VGLL4: variants seen among roughly 807,000 people sequenced by gnomAD.
The protein encoded by VGLL4 is vestigial like family member 4, also known as transcription cofactor vestigial-like protein 4.
VGLL4 carries 7 observed loss-of-function variants against 21.0 expected under a neutral mutation model. That is an observed-to-expected ratio of 0.33 (90% confidence interval 0.19 to 0.63). The LOEUF is 0.63. VGLL4 is among the 20% of genes least tolerant of loss of function. VGLL4 has a pLI of 0.78. For missense variants in VGLL4, 394 were observed against 425.7 expected, an observed-to-expected ratio of 0.93 and a Z score of 0.66; for synonymous variants, 222 against 173.2, an observed-to-expected ratio of 1.28 and a Z score of -2.21.
rs777894880 is a variant in VGLL4 at position 11,643,480 on chromosome 3, G to C, written c.39C>G (p.Tyr13Ter). 1.2e-6 allele frequency: 2 copies of C among 1,613,998 alleles called. No homozygotes were observed. The highest frequency in any genetic ancestry group is 1.1e-5 in the South Asian group (1 of 91,070). The change falls in exon 1 of 5, where the codon TAC becomes TAG. Residue 13 changes from tyrosine (Y) to a stop codon, truncating the protein, a stop_gained. Transcript: ENST00000430365. LOFTEE classifies it high-confidence loss of function. ...CGATATTGTTGTTCATCTTGTCCAA[G>C]TACTGATAGTTCAACAGGTCCATCT... is the stretch of plus-strand genomic sequence containing the variant. ...FMKMDLLNYQ[Y>*]LDKMNNNIGI...
At chr3:11,680,888 G>T (rs1480756410) in intron 2 of VGLL4, among the ~76,000 whole-genome samples, 1 of 152,142 alleles carries the variant, frequency 6.6e-6, no homozygotes. Context: ...CACGCGATGA[G>T]TATCTGTTGA....
chr3:11,563,223 G>A (rs1204809551), intron 3 of VGLL4, among the ~76,000 whole-genome samples: 5 of 152,156 alleles, frequency 3.3e-5, no homozygotes, highest in African/African-American at 7.2e-5. Context: ...TGGGTGCTCC[G>A]AGATTACAGC....
At chr3:11,591,922 AC>A (rs1422526033) in intron 2 of VGLL4, among the ~76,000 whole-genome samples, 2 of 152,274 alleles carry the variant, frequency 1.3e-5, no homozygotes, top group African/African-American at 4.8e-5. Flanking sequence ...CGATGTAACA[AC>A]AATATTGCAG....
chr3:11,612,677 T>C (rs2075085815), intron 1 of VGLL4: 1 of 152,172 alleles, frequency 6.6e-6, no homozygotes, highest in Admixed American at 6.5e-5. Context: ...CAGTCCCCGC[T>C]TAGAGTGCGA....
At chr3:11,652,480 C>T (rs139015309) in intron 2 of VGLL4, among the ~76,000 whole-genome samples, 2,468 of 152,162 alleles carry the variant, frequency 0.016, 83 homozygotes, top group African/African-American at 0.056. Context: ...AGTGCAGTGG[C>T]GCGATGTCTG....
rs201152887 is a variant in VGLL4 at position 11,558,532 on chromosome 3, G to C, written c.*24C>G. The C allele has an allele frequency of 3.4e-6, 5 of 1,475,506 alleles. No individual in the cohort carries two copies. Among genetic ancestry groups the C allele is most frequent in the East Asian group, 2.8e-5 (1 of 35,610 alleles). The allele number at this position is 1,475,506 out of a possible 1,614,324, so 91.4% of individuals were successfully genotyped here. A position where few individuals can be genotyped will look rare whatever the true frequency, so the allele number is the denominator to read the frequency against. On this transcript the variant is annotated 3_prime_UTR_variant, in exon 5 of 5. Transcript: ENST00000430365. ...GCTCAGGCAAACCATGCAGATCCAC[G>C]TGTTGTTGGAGGAGGCGCTCCCTTC...
intron 2 of VGLL4, among the ~76,000 whole-genome samples, chr3:11,575,995 G>A (rs2074032894): frequency 2.0e-5 from 3 of 152,212 alleles, no homozygotes; most frequent in African/African-American, 7.2e-5. Flanking sequence ...TCAACTCTAT[G>A]TAAATAAGGT....
At chr3:11,626,382 T>C (rs1296694924) in intron 1 of VGLL4, 3 of 456,826 alleles carry the variant, frequency 6.6e-6, no homozygotes, top group South Asian at 3.1e-5. Context: ...TGTATCCAAG[T>C]GCCACTCTTT....
intron 1 of VGLL4, among the ~76,000 whole-genome samples, chr3:11,714,104 G>A (rs1327613394): frequency 1.3e-5 from 2 of 152,200 alleles, no homozygotes; most frequent in East Asian, 1.9e-4. Context: ...TGCACAGACT[G>A]TATGAAAGTT....
intron 2 of VGLL4, among the ~76,000 whole-genome samples, chr3:11,600,826 A>T (rs2074776219): frequency 6.6e-6 from 1 of 152,126 alleles, no homozygotes; most frequent in African/African-American, 2.4e-5. Flanking sequence ...AATAATGAGG[A>T]AACACTGACT....
intron 3 of VGLL4, among the ~76,000 whole-genome samples, chr3:11,562,662 G>T (rs937854193): frequency 6.6e-6 from 1 of 152,250 alleles, no homozygotes; most frequent in East Asian, 1.9e-4. Context: ...CCACGCTGCC[G>T]CAGGAAGGAG....
intron 2 of VGLL4, among the ~76,000 whole-genome samples, chr3:11,702,331 C>T (rs1243421028): frequency 6.6e-6 from 1 of 151,806 alleles, no homozygotes; most frequent in Non-Finnish European, 1.5e-5. Context: ...TGATTAAGGC[C>T]AGACGTGGCA....
At chr3:11,634,351 C>T (rs911022272) in intron 1 of VGLL4, among the ~76,000 whole-genome samples, 3 of 152,118 alleles carry the variant, frequency 2.0e-5, no homozygotes, top group African/African-American at 7.2e-5. Context: ...TTCAATCCAT[C>T]ACCAATCCCT....
At chr3:11,630,829 T>C (rs1179248919) in intron 1 of VGLL4, among the ~76,000 whole-genome samples, 15 of 152,146 alleles carry the variant, frequency 9.9e-5, no homozygotes, top group Admixed American at 9.8e-4. Context: ...TGACCACATA[T>C]GTCCACAAAA....
chr3:11,558,530 A>G lies in VGLL4; in HGVS notation c.*26T>C. Reference sequence around the variant, plus strand: ...AAGCTCAGGCAAACCATGCAGATCCACGTGTTGTTGGAGGAGGCGCTCCCT... The same window carrying G: ...AAGCTCAGGCAAACCATGCAGATCCGCGTGTTGTTGGAGGAGGCGCTCCCT... On this transcript the variant is annotated 3_prime_UTR_variant, in exon 5 of 5. Transcript: ENST00000430365. The G allele has an allele frequency of 6.6e-7, 1 of 1,503,972 alleles. No individual in the cohort carries two copies. The highest frequency in any genetic ancestry group is 1.5e-5 in the African/African-American group (1 of 65,854). 93.2% of individuals were successfully genotyped at this position (1,503,972 alleles called of 1,614,324 possible).
chr3:11,573,383 G>T (rs2073932449), intron 2 of VGLL4, among the ~76,000 whole-genome samples: 1 of 145,984 alleles, frequency 6.9e-6, no homozygotes, highest in Non-Finnish European at 1.5e-5. Context: ...AAGAAAGAAA[G>T]AAAGAAAGAA....
At chr3:11,678,799 G>A (rs915774387) in intron 2 of VGLL4, among the ~76,000 whole-genome samples, 1 of 152,200 alleles carries the variant, frequency 6.6e-6, no homozygotes, top group African/African-American at 2.4e-5. Context: ...TTCCTAAGAA[G>A]TGCCATCTAA....
At chr3:11,598,456 C>T (rs779671989) in intron 2 of VGLL4, among the ~76,000 whole-genome samples, 7 of 151,314 alleles carry the variant, frequency 4.6e-5, no homozygotes, top group Admixed American at 6.6e-5. Flanking sequence ...AGCTAGCTAC[C>T]GAAACTATTT....
intron 2 of VGLL4, among the ~76,000 whole-genome samples, chr3:11,579,922 A>G (rs559024646): frequency 6.6e-6 from 1 of 152,318 alleles, no homozygotes; most frequent in East Asian, 1.9e-4. Flanking sequence ...TCACAGCCTC[A>G]GTCACCCCAG....
Sources: gnomAD v4.1 joint callset for allele counts (sites outside exome capture counted in the v4.1 genomes callset) on GRCh38, gnomAD v4.1.1 for gene constraint, MANE v1.5 for transcripts, NCBI Gene and HGNC (gene_info 2026-07-23, HGNC 2026-07-21) for gene names.